Variants in HECTD2 observed in about 807,000 individuals in gnomAD.
The protein encoded by HECTD2 is HECT domain E3 ubiquitin protein ligase 2.
In HECTD2, 35 loss-of-function variants were observed where a neutral mutation model predicts 103.2. That is an observed-to-expected ratio of 0.34 (90% confidence interval 0.26 to 0.45). HECTD2 has a LOEUF of 0.45. Among genes scored for constraint, HECTD2 ranks in the 20% least tolerant of loss-of-function variants. The probability of loss-of-function intolerance (pLI) is 1.00; values close to 1 mark genes in which losing one functional copy is unlikely to be tolerated. For synonymous variants in HECTD2, 281 were observed against 329.9 expected (o/e 0.85, Z 1.61); for missense variants, 596 against 937.4 (o/e 0.64, Z 4.76).
intron 20 of HECTD2, among the ~76,000 whole-genome samples, chr10:91,505,214 C>A: frequency 6.6e-6 from 1 of 151,870 alleles, no homozygotes; most frequent in Non-Finnish European, 1.5e-5. Flanking sequence ...ACTGCATCAA[C>A]TAACGAGCAA....
chr10:91,483,710 T>C (rs1164402675), intron 8 of HECTD2, among the ~76,000 whole-genome samples: 2 of 152,086 alleles, frequency 1.3e-5, no homozygotes, highest in Non-Finnish European at 2.9e-5. Flanking sequence ...TACAGAACCA[T>C]TGCTTCAAGG....
Position 91,425,281 on chromosome 10 carries a change from G to A in HECTD2, c.139G>A (p.Gly47Ser), listed in dbSNP as rs2133033672. ...GCAATGTTAACTTTTCTGTTTTCAG[G>A]GTTTGGACAGAGGAGCCAAAGGCCA... is the stretch of plus-strand genomic sequence containing the variant. ...IVSAGAGATA[G>S]LDRGAKGQIS... is the part of the protein sequence containing the mutation. Residue 47 changes from glycine (G) to serine (S), a missense_variant and splice_region_variant, in exon 2 of 21, where the codon GGT becomes AGT. Physicochemically the swap from Gly to Ser is moderately conservative, Grantham distance 56 (BLOSUM62 0). Around this residue, in one of 4 missense-constraint regions of HECTD2, gnomAD observed 220 missense variants for 233.9 expected, o/e 0.94. Coordinates refer to ENST00000298068, the MANE Select transcript of HECTD2 (RefSeq NM_182765.6). The A allele has an allele frequency of 1.3e-6, 2 of 1,519,784 alleles. No homozygotes were observed. The highest frequency in any genetic ancestry group is 4.8e-5 in the East Asian group (2 of 42,068). The allele number at this position is 1,519,784 out of a possible 1,614,324, so 94.1% of individuals were successfully genotyped here.
chr10:91,413,790 T>C (rs1203059847), intron 1 of HECTD2, among the ~76,000 whole-genome samples: 2 of 152,194 alleles, frequency 1.3e-5, no homozygotes, highest in African/African-American at 4.8e-5. Flanking sequence ...GAAATGGCAG[T>C]GGCAGTGGTT....
intron 2 of HECTD2, among the ~76,000 whole-genome samples, chr10:91,456,350 G>A (rs1240850532): frequency 5.9e-5 from 9 of 152,194 alleles, no homozygotes; most frequent in African/African-American, 1.9e-4. Flanking sequence ...GTGAATGGGA[G>A]TTCACTCATG....
intron 2 of HECTD2, among the ~76,000 whole-genome samples, chr10:91,449,367 A>T (rs1280762823): frequency 1.3e-5 from 2 of 152,190 alleles, no homozygotes; most frequent in Non-Finnish European, 2.9e-5. Flanking sequence ...AAATCTCTCA[A>T]TAAATTAGGT....
Position 91,479,380 on chromosome 10 carries a change from GAAGA to G in HECTD2, c.665+1119_665+1122del, listed in dbSNP as rs150309016. The stretch of plus-strand genomic sequence containing the variant: ...TAGAGTGAGACTGTCTCAAAAAAAA[GAAGA>G]AAGTAAAAAATGTTTACATTTTACA... On this transcript the variant is annotated intron_variant, in intron 6 of 20. Coordinates refer to ENST00000298068, the MANE Select transcript of HECTD2 (RefSeq NM_182765.6). 4.0e-3 allele frequency among the ~76,000 whole-genome samples: 613 copies of G among 152,120 alleles called. 5 individuals carry two copies. Among genetic ancestry groups the G allele is most frequent in the African/African-American group, 0.014 (578 of 41,530 alleles).
At chr10:91,503,616 CG>C (rs1212594358) in intron 20 of HECTD2, among the ~76,000 whole-genome samples, 1 of 152,194 alleles carries the variant, frequency 6.6e-6, no homozygotes, top group Non-Finnish European at 1.5e-5. Context: ...GCACTTGGCT[CG>C]GAGGGTCCTA....
intron 2 of HECTD2, among the ~76,000 whole-genome samples, chr10:91,438,380 G>C (rs1844230060): frequency 6.6e-6 from 1 of 152,106 alleles, no homozygotes; most frequent in African/African-American, 2.4e-5. Flanking sequence ...ATGGTTTCCA[G>C]CTTCATCCAT....
intron 2 of HECTD2, among the ~76,000 whole-genome samples, chr10:91,430,539 C>T (rs904908015): frequency 4.6e-5 from 7 of 152,144 alleles, no homozygotes; most frequent in Non-Finnish European, 1.0e-4. Context: ...TCACTCAGGA[C>T]TTGTTTTATG....
In HECTD2 at chr10:91,424,759, T is replaced by G. The variant is rs74149211; in HGVS notation, c.139-522T>G. Among the ~76,000 whole-genome samples the G allele has an allele frequency of 6.0e-3, 906 of 152,208 alleles. 4 individuals carry two copies. Among genetic ancestry groups the G allele is most frequent in the African/African-American group, 0.021 (871 of 41,536 alleles). On this transcript the variant is annotated intron_variant, in intron 1 of 20. Coordinates refer to ENST00000298068, the MANE Select transcript of HECTD2 (RefSeq NM_182765.6). ...CTACTTCTAAAAAAAAATTCTGGTA[T>G]GCCCAATCACAGTGCTTAGAAAAAC...
At chr10:91,412,424 G>C (rs1842950264) in intron 1 of HECTD2, among the ~76,000 whole-genome samples, 1 of 151,070 alleles carries the variant, frequency 6.6e-6, no homozygotes, top group Non-Finnish European at 1.5e-5. Flanking sequence ...TGGAATAGAA[G>C]AGGATAAGGA....
chr10:91,468,263 A>G (rs138545622), intron 5 of HECTD2, among the ~76,000 whole-genome samples: 1 of 152,302 alleles, frequency 6.6e-6, no homozygotes, highest in East Asian at 1.9e-4. Flanking sequence ...AGCACCCCCC[A>G]GAGTTAGAGC....
At chr10:91,494,149 A>G (rs1451092850) in intron 14 of HECTD2, among the ~76,000 whole-genome samples, 1 of 151,972 alleles carries the variant, frequency 6.6e-6, no homozygotes, top group East Asian at 1.9e-4. Flanking sequence ...TTGTTTGTGG[A>G]AGAAAGGAGG....
At chr10:91,471,372 T>G (rs1027823216) in intron 5 of HECTD2, among the ~76,000 whole-genome samples, 1 of 152,188 alleles carries the variant, frequency 6.6e-6, no homozygotes, top group Non-Finnish European at 1.5e-5. Flanking sequence ...TCATACTGAA[T>G]GAGCAAAAGC....
At chr10:91,475,212 G>A (rs1845860602) in intron 5 of HECTD2, among the ~76,000 whole-genome samples, 1 of 152,188 alleles carries the variant, frequency 6.6e-6, no homozygotes, top group Non-Finnish European at 1.5e-5. Context: ...GAGTTAGGAA[G>A]GCCTTGTAGT....
chr10:91,469,318 C>G (rs1036546203), intron 5 of HECTD2, among the ~76,000 whole-genome samples: 23 of 152,068 alleles, frequency 1.5e-4, no homozygotes, highest in Admixed American at 1.4e-3. Context: ...TCTCCAAAGT[C>G]AAAATGAATG....
chr10:91,451,907 A>G (rs1844846877), intron 2 of HECTD2, among the ~76,000 whole-genome samples: 1 of 152,106 alleles, frequency 6.6e-6, no homozygotes, highest in Admixed American at 6.6e-5. Flanking sequence ...AATTCTATAT[A>G]TGTATATTTC....
chr10:91,425,480 T>A, intron 2 of HECTD2, 70 bp downstream of exon 2: 1 of 1,175,470 alleles, frequency 8.5e-7, no homozygotes, highest in Non-Finnish European at 1.2e-6. Flanking sequence ...AGACATTAAT[T>A]ATTCAGCATT....
intron 1 of HECTD2, among the ~76,000 whole-genome samples, chr10:91,413,012 T>G (rs1842986311): frequency 6.6e-6 from 1 of 152,168 alleles, no homozygotes; most frequent in Non-Finnish European, 1.5e-5. Context: ...ACTTTTTCTT[T>G]GAGACATTCC....
Sources: gnomAD v4.1 joint callset for allele counts (sites outside exome capture counted in the v4.1 genomes callset) on GRCh38, gnomAD v4.1.1 for gene constraint, gnomAD v4.1.1 regional missense constraint, MANE v1.5 for transcripts, NCBI Gene and HGNC (gene_info 2026-07-23, HGNC 2026-07-21) for gene names.